CDH1: variants seen among roughly 807,000 people sequenced by gnomAD.
The protein encoded by CDH1 is cadherin 1.
Under a neutral mutation model 84.5 loss-of-function variants are expected in CDH1, and 35 were observed. That is an observed-to-expected ratio of 0.41 (90% CI 0.32 to 0.55). The LOEUF is 0.55. Among genes scored for constraint, CDH1 ranks in the 20% least tolerant of loss-of-function variants. The pLI, the probability that CDH1 is intolerant of heterozygous loss-of-function variation, is 0.19. For synonymous variants in CDH1, 417 were observed against 439.0 expected (o/e 0.95, Z 0.63); for missense variants, 994 against 1,126.6 (o/e 0.88, Z 1.68).
intron 8 of CDH1, 44 bp downstream of exon 8, chr16:68,812,307 T>G (rs769210114): frequency 6.2e-7 from 1 of 1,606,592 alleles, no homozygotes; most frequent in Non-Finnish European, 8.5e-7. Context: ...AAAGGTCTTT[T>G]GTTGTTCATG....
chr16:68,828,532 C>T (rs1390369910), intron 14 of CDH1, among the ~76,000 whole-genome samples: 1 of 152,172 alleles, frequency 6.6e-6, no homozygotes, highest in Middle Eastern at 3.2e-3. Context: ...AGTGAGCGAG[C>T]TGAGGCACAG....
In CDH1 at chr16:68,737,297, C is replaced by T. The variant is rs893677325; in HGVS notation, c.-119C>T. The T allele has an allele frequency of 3.9e-6, 3 of 772,814 alleles. No homozygotes were observed. The highest frequency in any genetic ancestry group is 2.9e-5 in the East Asian group (1 of 34,428). 47.9% of individuals were successfully genotyped at this position (772,814 alleles called of 1,614,324 possible). On this transcript the variant is annotated 5_prime_UTR_variant, in exon 1 of 16. Transcript: ENST00000261769. Reference sequence around the variant, plus strand: ...GCAGCCACGCACCCCCTCTCAGTGGCGTCGGAACTGCAAAGCACCTGTGAG... The same window carrying T: ...GCAGCCACGCACCCCCTCTCAGTGGTGTCGGAACTGCAAAGCACCTGTGAG...
intron 2 of CDH1, among the ~76,000 whole-genome samples, chr16:68,777,978 T>C (rs1323854335): frequency 6.6e-6 from 1 of 152,134 alleles, no homozygotes; most frequent in Non-Finnish European, 1.5e-5. Flanking sequence ...GTGATCCACC[T>C]GCCTTGGCCT....
rs990193541 is a variant in CDH1 at position 68,811,867 on chromosome 16, G to A, written c.1008+8G>A. 6.2e-7 allele frequency: 1 copy of A among 1,613,886 alleles called. No homozygotes were observed. The stretch of plus-strand genomic sequence containing the variant: ...ACTGGGCTGGACCGAGAGGTCAGGG[G>A]TCAGGAGGATCCAGAGGGTGTGGAG... On this transcript the variant is annotated splice_region_variant and intron_variant, in intron 7 of 15. Transcript: ENST00000261769.
At chr16:68,830,300 T>A (rs1016813492) in intron 15 of CDH1, among the ~76,000 whole-genome samples, 4 of 152,118 alleles carry the variant, frequency 2.6e-5, no homozygotes, top group Non-Finnish European at 4.4e-5. Context: ...GATCTAATCG[T>A]GCTTCAAATT....
At chr16:68,792,802 T>C (rs767305712) in intron 2 of CDH1, among the ~76,000 whole-genome samples, 1 of 152,226 alleles carries the variant, frequency 6.6e-6, no homozygotes, top group East Asian at 1.9e-4. Flanking sequence ...TAATTTTTCC[T>C]TAATCTTCAA....
At chr16:68,795,339 T>A (rs1464379284) in intron 2 of CDH1, among the ~76,000 whole-genome samples, 4 of 152,190 alleles carry the variant, frequency 2.6e-5, no homozygotes, top group South Asian at 2.1e-4. Context: ...AGATTTCTTT[T>A]TTTTTATTTT....
chr16:68,758,049 A>AGCCATC (rs1292441884), intron 2 of CDH1, among the ~76,000 whole-genome samples: 3 of 148,644 alleles, frequency 2.0e-5, no homozygotes, highest in Admixed American at 6.8e-5. Flanking sequence ...CCTGAGCTCA[A>AGCCATC]GCCATCTGCC....
chr16:68,782,653 C>G (rs923487582), intron 2 of CDH1, among the ~76,000 whole-genome samples: 4 of 152,188 alleles, frequency 2.6e-5, no homozygotes, highest in Non-Finnish European at 5.9e-5. Flanking sequence ...CAGCCTAGTT[C>G]TGTGTAGGGT....
chr16:68,781,233 G>C (rs1303083380), intron 2 of CDH1, among the ~76,000 whole-genome samples: 4 of 152,148 alleles, frequency 2.6e-5, no homozygotes, highest in Non-Finnish European at 5.9e-5. Flanking sequence ...TTGAGGGTGG[G>C]GGTATTGGAA....
intron 2 of CDH1, among the ~76,000 whole-genome samples, chr16:68,756,998 C>A (rs1597853576): frequency 6.6e-6 from 1 of 152,164 alleles, no homozygotes; most frequent in Non-Finnish European, 1.5e-5. Context: ...GCGAGACGCT[C>A]TCTCAAAAAC....
At chr16:68,763,799 T>C (rs927793682) in intron 2 of CDH1, among the ~76,000 whole-genome samples, 1 of 152,210 alleles carries the variant, frequency 6.6e-6, no homozygotes, top group African/African-American at 2.4e-5. Context: ...CAAAACCTCC[T>C]GCAAAACTAA....
intron 2 of CDH1, among the ~76,000 whole-genome samples, chr16:68,748,813 C>T (rs560515570): frequency 7.9e-5 from 12 of 152,324 alleles, no homozygotes; most frequent in African/African-American, 2.9e-4. Flanking sequence ...ATGTGCCTGC[C>T]TGTCTGAAGA....
rs1215261467 is a variant in CDH1, at chr16:68,821,947, T to G, written c.1712-54T>G. ...CTAGACTTGGTCTGGTGGAAGGCAA[T>G]GGGGATTCATTACTGTTGCCAAGCT... On this transcript the variant is annotated intron_variant, in intron 11 of 15. Transcript: ENST00000261769. 20 of 1,380,768 alleles carry G rather than the reference T, an allele frequency of 1.4e-5. No homozygotes were observed. In the South Asian group the frequency reaches 2.1e-4, roughly 14 times the overall value. 85.5% of individuals were successfully genotyped at this position (1,380,768 alleles called of 1,614,324 possible). A position where few individuals can be genotyped will look rare whatever the true frequency, so the allele number is the denominator to read the frequency against.
chr16:68,761,259 C>T (rs1959220370), intron 2 of CDH1, among the ~76,000 whole-genome samples: 1 of 152,236 alleles, frequency 6.6e-6, no homozygotes, highest in African/African-American at 2.4e-5. Flanking sequence ...CTGCCTGGGG[C>T]AGCCCTTGGA....
In CDH1 at chr16:68,819,316, G is replaced by C. The variant is rs753031606; in HGVS notation, c.1602G>C (p.Glu534Asp). ...RIWRDTANWL[E>D]INPDTGAIST... ...GGAGAGACACTGCCAACTGGCTGGA[G>C]ATTAATCCGGACACTGGTGCCATTT... is the stretch of plus-strand genomic sequence containing the variant. Residue 534 changes from glutamate to aspartate, a missense_variant, in exon 11 of 16, where the codon GAG (glutamate) becomes GAC (aspartate). Transcript: ENST00000261769. The C allele has an allele frequency of 6.2e-7, 1 of 1,614,194 alleles. No individual in the cohort carries two copies. Among genetic ancestry groups the C allele is most frequent in the Non-Finnish European group, 8.5e-7 (1 of 1,180,026 alleles).
chr16:68,817,440 T>C (rs1204014944), intron 10 of CDH1, among the ~76,000 whole-genome samples: 2 of 152,208 alleles, frequency 1.3e-5, no homozygotes, highest in African/African-American at 4.8e-5. Flanking sequence ...GCCAAATCCA[T>C]TGGGTGAAAA....
chr16:68,746,095 G>A (rs1249358371), intron 2 of CDH1, among the ~76,000 whole-genome samples: 1 of 152,218 alleles, frequency 6.6e-6, no homozygotes, highest in African/African-American at 2.4e-5. Flanking sequence ...GGGATCGCAC[G>A]CGTGAGCCAC....
At chr16:68,767,751 T>C (rs1959432306) in intron 2 of CDH1, among the ~76,000 whole-genome samples, 1 of 152,208 alleles carries the variant, frequency 6.6e-6, no homozygotes, top group Non-Finnish European at 1.5e-5. Flanking sequence ...TAGCTATATG[T>C]ATTTCTCAGA....
Sources: allele counts gnomAD v4.1 joint callset (sites outside exome capture counted in the v4.1 genomes callset), GRCh38; gene constraint gnomAD v4.1.1; transcripts MANE v1.5; gene names NCBI Gene and HGNC (gene_info 2026-07-23, HGNC 2026-07-21).